CUEDC1: variants seen among roughly 807,000 people sequenced by gnomAD.
CUEDC1 encodes the protein CUE domain containing 1.
CUEDC1 carries 30 observed loss-of-function variants against 43.7 expected under a neutral mutation model. That is an observed-to-expected ratio of 0.69 (90% confidence interval 0.51 to 0.93). The LOEUF is 0.93. CUEDC1 is among the 40% of genes least tolerant of loss of function. The pLI, the probability that CUEDC1 is intolerant of heterozygous loss-of-function variation, is 0.00. For missense variants in CUEDC1, 486 were observed against 549.0 expected, an observed-to-expected ratio of 0.89 and a Z score of 1.15; for synonymous variants, 223 against 223.6, an observed-to-expected ratio of 1.00 and a Z score of 0.02.
At chr17:57,924,191 C>T (rs536646671) in intron 1 of CUEDC1, among the ~76,000 whole-genome samples, 6 of 152,204 alleles carry the variant, frequency 3.9e-5, no homozygotes, top group African/African-American at 1.2e-4. Flanking sequence ...CTGCAACCTC[C>T]GCCTCCCAGG....
intron 1 of CUEDC1, among the ~76,000 whole-genome samples, chr17:57,899,186 A>G (rs2074444968): frequency 6.6e-6 from 1 of 152,152 alleles, no homozygotes; most frequent in African/African-American, 2.4e-5. Context: ...AATTCCACCC[A>G]GAGTGAGAAG....
At position 57,885,396 on chromosome 17, in the gene CUEDC1, T is replaced by C; in HGVS notation, c.169A>G (p.Met57Val). 6.2e-7 allele frequency: 1 copy of C among 1,611,250 alleles called. No homozygotes were observed. The highest frequency in any genetic ancestry group is 8.5e-7 in the Non-Finnish European group (1 of 1,179,364). The stretch of plus-strand genomic sequence containing the variant: ...ATGTCGTAATCCATGTTGGGGAACA[T>C]GGTCTTGAAGTCGTCCATGGCCTGG... Reference protein sequence around the residue: ...FNQAMDDFKTMFPNMDYDIIE... With the variant: ...FNQAMDDFKTVFPNMDYDIIE... Residue 57 changes from methionine to valine, a missense_variant, in exon 2 of 11, where the codon ATG becomes GTG. By Grantham distance (21) the Met-to-Val change is conservative. Transcript: ENST00000577830.
At chr17:57,951,764 A>G (rs755008705) in intron 1 of CUEDC1, among the ~76,000 whole-genome samples, 1 of 152,096 alleles carries the variant, frequency 6.6e-6, no homozygotes, top group Non-Finnish European at 1.5e-5. Context: ...CAGCCTAAAC[A>G]TTTTTATCTT....
intron 1 of CUEDC1, among the ~76,000 whole-genome samples, chr17:57,899,981 T>C (rs2074454735): frequency 6.6e-6 from 1 of 152,138 alleles, no homozygotes; most frequent in Non-Finnish European, 1.5e-5. Context: ...TTTACAGCAT[T>C]GGTAAGGTCA....
At chr17:57,906,939 C>A (rs1246273726) in intron 1 of CUEDC1, among the ~76,000 whole-genome samples, 1 of 149,884 alleles carries the variant, frequency 6.7e-6, no homozygotes, top group Non-Finnish European at 1.5e-5. Context: ...CCATTGCACT[C>A]CAGCCTGGGC....
chr17:57,917,674 C>G (rs1235416306), intron 1 of CUEDC1, among the ~76,000 whole-genome samples: 2 of 152,240 alleles, frequency 1.3e-5, no homozygotes, highest in African/African-American at 4.8e-5. Flanking sequence ...CAAGGTCACA[C>G]AGCGAGTAAG....
chr17:57,884,130 C>G (rs545552568), intron 2 of CUEDC1, among the ~76,000 whole-genome samples: 1 of 151,860 alleles, frequency 6.6e-6, no homozygotes, highest in South Asian at 2.1e-4. Flanking sequence ...ACTGGCAAGT[C>G]TGATTCCTCA....
At position 57,904,663 on chromosome 17, in the gene CUEDC1, C is replaced by T. The variant is rs1332723375; in HGVS notation, c.-315-18784G>A. On this transcript the variant is annotated intron_variant, in intron 1 of 10. Transcript: ENST00000577830. The stretch of plus-strand genomic sequence containing the variant: ...CCTCCTGCACTTCAGGAGAGCTTAA[C>T]CTTGAGGCCTTCAAGGAAATTGGGA... Among the ~76,000 whole-genome samples the T allele has an allele frequency of 3.3e-5, 5 of 152,156 alleles. No individual in the cohort carries two copies. In the East Asian group the frequency reaches 9.6e-4, roughly 29 times the overall value.
chr17:57,877,715 G>A (rs890133101), intron 3 of CUEDC1, among the ~76,000 whole-genome samples: 8 of 151,542 alleles, frequency 5.3e-5, no homozygotes, highest in Non-Finnish European at 7.4e-5. Context: ...GTGAAACCCC[G>A]TCTCTACTAA....
At chr17:57,940,619 G>A (rs1030087535) in intron 1 of CUEDC1, among the ~76,000 whole-genome samples, 1 of 152,188 alleles carries the variant, frequency 6.6e-6, no homozygotes, top group South Asian at 2.1e-4. Context: ...GTCAGGATTT[G>A]ATTATTCCTG....
intron 1 of CUEDC1, among the ~76,000 whole-genome samples, chr17:57,887,655 C>CTTTTTTTTTTTTT (rs3085786): frequency 2.2e-4 from 13 of 58,030 alleles, no homozygotes; most frequent in East Asian, 1.4e-3. Flanking sequence ...CCACGCCTGG[C>CTTTTTTTTTTTTT]TTTTTTTTTT....
At chr17:57,866,608 T>C (rs2144909179) in intron 9 of CUEDC1, 64 bp from the exon 10 acceptor site, 5 of 1,547,306 alleles carry the variant, frequency 3.2e-6, no homozygotes, top group Non-Finnish European at 4.5e-6. Context: ...GCACGGCCCC[T>C]AGACTGGGCA....
chr17:57,866,345 A>G (rs2073957373), intron 10 of CUEDC1, 129 bp downstream of exon 10: 1 of 704,680 alleles, frequency 1.4e-6, no homozygotes, highest in East Asian at 2.6e-5. Context: ...GAGGGAAGAC[A>G]CGTGGGGCCT....
In CUEDC1 at chr17:57,866,544, T is replaced by C. The variant is rs757616511; in HGVS notation, c.1094A>G (p.Asp365Gly). The change falls in exon 10 of 11, where the codon GAT (aspartate) becomes GGT (glycine). Residue 365 changes from aspartate to glycine, a missense_variant and splice_region_variant. Coordinates refer to ENST00000577830, the MANE Select transcript of CUEDC1 (RefSeq NM_001271875.2). ...CTGACGCCTGCCCCGGAAGTCTTCA[T>C]CTGAAAAGGAGAGGGAAGCTGCCTC... Reference protein sequence around the residue: ...LLDDVEGHACDEDFRGRRQEA... With the variant: ...LLDDVEGHACGEDFRGRRQEA... 2.5e-6 allele frequency: 4 copies of C among 1,614,038 alleles called. No homozygotes were observed. Among genetic ancestry groups the C allele is most frequent in the Non-Finnish European group, 3.4e-6 (4 of 1,179,998 alleles).
At chr17:57,944,146 C>T (rs1032279607) in intron 1 of CUEDC1, among the ~76,000 whole-genome samples, 1 of 151,458 alleles carries the variant, frequency 6.6e-6, no homozygotes, top group African/African-American at 2.4e-5. Flanking sequence ...AGAAAGCTTA[C>T]TGGCATATGC....
At position 57,930,083 on chromosome 17, in the gene CUEDC1, G is replaced by A. The variant is rs532055944; in HGVS notation, c.-316+25142C>T. Among the ~76,000 whole-genome samples, 4 of 152,304 alleles carry A rather than the reference G, an allele frequency of 2.6e-5. No homozygotes were observed. Among genetic ancestry groups the A allele is most frequent in the East Asian group, 1.9e-4 (1 of 5,188 alleles). Reference sequence around the variant, plus strand: ...CTCCCAAAGTGCTGGGATTACAGGCGTGAGCCACTGCGCCCGGCCACTTCT... The same window carrying A: ...CTCCCAAAGTGCTGGGATTACAGGCATGAGCCACTGCGCCCGGCCACTTCT... On this transcript the variant is annotated intron_variant, in intron 1 of 10. Coordinates refer to ENST00000577830, the MANE Select transcript of CUEDC1 (RefSeq NM_001271875.2). The surrounding 1 kb of genome is among the most constrained non-coding windows in gnomAD (Gnocchi z 4.2).
At chr17:57,879,486 CAGT>C in intron 3 of CUEDC1, 122 bp downstream of exon 3, 1 of 1,246,102 alleles carries the variant, frequency 8.0e-7, no homozygotes. Flanking sequence ...TCTCTTGCTG[CAGT>C]AGAAGCCTGT....
intron 1 of CUEDC1, among the ~76,000 whole-genome samples, chr17:57,932,981 T>A (rs1055719335): frequency 6.6e-6 from 1 of 152,108 alleles, no homozygotes; most frequent in Non-Finnish European, 1.5e-5. Context: ...TTGAGCAGCA[T>A]CCCTGGCCTC....
intron 1 of CUEDC1, among the ~76,000 whole-genome samples, chr17:57,929,240 T>G (rs969152907): frequency 2.0e-5 from 3 of 152,156 alleles, no homozygotes; most frequent in Non-Finnish European, 2.9e-5. Context: ...CATTTAATCC[T>G]CACCCCTGCC....
Sources: gnomAD v4.1 joint callset for allele counts (sites outside exome capture counted in the v4.1 genomes callset) on GRCh38, gnomAD v4.1.1 for gene constraint, Gnocchi (gnomAD v3.1) non-coding constraint, MANE v1.5 for transcripts, NCBI Gene and HGNC (gene_info 2026-07-23, HGNC 2026-07-21) for gene names.